The following TMEM39B variants were observed in gnomAD, a reference collection of about 807,000 sequenced individuals.
TMEM39B encodes transmembrane protein 39B.
In TMEM39B, 23 loss-of-function variants were observed where a neutral mutation model predicts 52.2. The observed-to-expected ratio is 0.44, with a 90% confidence interval of 0.32 to 0.62. TMEM39B has a LOEUF of 0.62. Ranked by LOEUF, TMEM39B falls within the 20% of genes least tolerant of loss-of-function variation. TMEM39B has a pLI of 0.06. For synonymous variants in TMEM39B, 285 were observed against 264.0 expected (o/e 1.08, Z -0.77); for missense variants, 547 against 642.0 (o/e 0.85, Z 1.60).
rs185414057 is a variant in TMEM39B, at chr1:32,075,141, C to G, written c.131+64C>G. On this transcript the variant is annotated intron_variant, in intron 2 of 8. Transcript: ENST00000336294. ...ACAGGGACGATGTGGACAGGGCTCTCTCTGACTGGATTCTAAGATGTGAAA... is the reference window on the plus strand; with the variant it reads ...ACAGGGACGATGTGGACAGGGCTCTGTCTGACTGGATTCTAAGATGTGAAA... 1.0e-4 allele frequency: 150 copies of G among 1,489,142 alleles called. No homozygotes were observed. The Admixed American group carries it at 1.2e-3, about 11-fold the overall frequency. The allele number at this position is 1,489,142 out of a possible 1,614,324, so 92.2% of individuals were successfully genotyped here. A position where few individuals can be genotyped will look rare whatever the true frequency, so the allele number is the denominator to read the frequency against.
At chr1:32,099,363 T>C (rs578110011) in intron 7 of TMEM39B, among the ~76,000 whole-genome samples, 10 of 152,024 alleles carry the variant, frequency 6.6e-5, no homozygotes, top group Admixed American at 1.3e-4. Flanking sequence ...AAATACCTAA[T>C]GTAAATGACG....
At chr1:32,099,527 GGGTTTT>G (rs1640940007) in intron 7 of TMEM39B, among the ~76,000 whole-genome samples, 1 of 151,840 alleles carries the variant, frequency 6.6e-6, no homozygotes. Context: ...GGAGGAACCT[GGGTTTT>G]GAAAGATGAT....
intron 7 of TMEM39B, among the ~76,000 whole-genome samples, chr1:32,097,392 G>A (rs1170530551): frequency 3.3e-5 from 5 of 150,772 alleles, no homozygotes; most frequent in East Asian, 1.9e-4. Context: ...GTGCAGTGGC[G>A]CGATCTTGGC....
chr1:32,091,562 C>A, intron 5 of TMEM39B, 113 bp from the exon 6 acceptor site: 1 of 1,250,242 alleles, frequency 8.0e-7, no homozygotes, highest in Non-Finnish European at 1.1e-6. Flanking sequence ...ATTCTCCCCT[C>A]TGGGCAGCCA....
At chr1:32,083,080 T>G (rs1404254048) in intron 5 of TMEM39B, among the ~76,000 whole-genome samples, 1 of 143,694 alleles carries the variant, frequency 7.0e-6, no homozygotes, top group Non-Finnish European at 1.5e-5. Flanking sequence ...AGCCTGGTTT[T>G]TTTTTTTTTT....
intron 6 of TMEM39B, among the ~76,000 whole-genome samples, 174 bp from the exon 7 acceptor site, chr1:32,094,610 A>C (rs561916975): frequency 2.0e-5 from 3 of 152,256 alleles, no homozygotes; most frequent in Admixed American, 6.5e-5. Context: ...TAGAAAACCA[A>C]CTAGTGGGCA....
At chr1:32,080,201 T>C (rs562272753) in intron 5 of TMEM39B, among the ~76,000 whole-genome samples, 1 of 152,228 alleles carries the variant, frequency 6.6e-6, no homozygotes, top group South Asian at 2.1e-4. Flanking sequence ...TGGCAAACTT[T>C]TAAGTTGTTT....
rs1639814737 is a variant in TMEM39B at position 32,075,477 on chromosome 1, A to T, written c.132-126A>T. On this transcript the variant is annotated intron_variant, in intron 2 of 8. Transcript: ENST00000336294. ...CGGGTTCCTTTGTCTGACAAGCAGG[A>T]TTAGGAAGACCCCGTCCTTGCTATG... The T allele has an allele frequency of 3.1e-6, 3 of 977,332 alleles. No individual in the cohort carries two copies. In the East Asian group the frequency reaches 7.9e-5, roughly 26 times the overall value. 60.5% of individuals were successfully genotyped at this position (977,332 alleles called of 1,614,324 possible).
chr1:32,097,242 C>G (rs980107469), intron 7 of TMEM39B, among the ~76,000 whole-genome samples: 1 of 152,160 alleles, frequency 6.6e-6, no homozygotes, highest in African/African-American at 2.4e-5. Flanking sequence ...GATCCTTCCC[C>G]CAAGACAAAC....
chr1:32,101,333 A>G (rs540004556), intron 8 of TMEM39B, among the ~76,000 whole-genome samples: 1 of 152,258 alleles, frequency 6.6e-6, no homozygotes, highest in Admixed American at 6.5e-5. Context: ...TGAGAACCTA[A>G]TGGTAATGAC....
Position 32,075,636 on chromosome 1 carries a change from T to C in TMEM39B, c.165T>C (p.Pro55=), listed in dbSNP as rs1293713685. 29 of 1,551,644 alleles carry C rather than the reference T, an allele frequency of 1.9e-5. No individual in the cohort carries two copies. Among genetic ancestry groups the C allele is most frequent in the Non-Finnish European group, 2.5e-5 (29 of 1,147,022 alleles). ...CTGGAACAGGCCTCTCCAGCCCTCC[T>C]CTGGCCACCCAAACTGTTGTGCCTC... The part of the protein sequence containing the change: ...SSSGTGLSSP[P]LATQTVVPLQ... Residue 55 remains proline, a synonymous_variant, in exon 3 of 9, where the codon CCT becomes CCC. Transcript: ENST00000336294.
chr1:32,079,028 A>G (rs948019382), intron 5 of TMEM39B, among the ~76,000 whole-genome samples: 1 of 151,450 alleles, frequency 6.6e-6, no homozygotes, highest in Non-Finnish European at 1.5e-5. Context: ...TATAACAGAT[A>G]TTTTTCTATG....
intron 5 of TMEM39B, among the ~76,000 whole-genome samples, chr1:32,091,023 C>T (rs1385653124): frequency 6.6e-6 from 1 of 151,998 alleles, no homozygotes; most frequent in African/African-American, 2.4e-5. Context: ...CCTGGGCTCA[C>T]GTGATCTTCC....
At position 32,091,705 on chromosome 1, in the gene TMEM39B, G is replaced by A; in HGVS notation, c.621G>A (p.Leu207=). The A allele has an allele frequency of 6.2e-7, 1 of 1,610,916 alleles. No homozygotes were observed. The highest frequency in any genetic ancestry group is 8.5e-7 in the Non-Finnish European group (1 of 1,177,804). Reference sequence around the variant, plus strand: ...GGATGTACATTCCGTTCCTGCAGCTGAATTGCGACCTCCGCAAGACAAGCC... The same window carrying A: ...GGATGTACATTCCGTTCCTGCAGCTAAATTGCGACCTCCGCAAGACAAGCC... ...PFGMYIPFLQ[L]NCDLRKTSLF... Residue 207 remains leucine (L), a synonymous_variant, in exon 6 of 9, where the codon CTG becomes CTA. Coordinates refer to ENST00000336294, the MANE Select transcript of TMEM39B (RefSeq NM_018056.4).
At chr1:32,085,141 A>G (rs1640286997) in intron 5 of TMEM39B, among the ~76,000 whole-genome samples, 1 of 152,048 alleles carries the variant, frequency 6.6e-6, no homozygotes, top group Admixed American at 6.6e-5. Context: ...TGGAGATTTG[A>G]GTACTTCTTT....
In TMEM39B at chr1:32,100,434, G is replaced by T; in HGVS notation, c.1116-8G>T. 6.3e-7 allele frequency: 1 copy of T among 1,579,702 alleles called. No homozygotes were observed. The highest frequency in any genetic ancestry group is 8.6e-7 in the Non-Finnish European group (1 of 1,163,558). On this transcript the variant is annotated splice_polypyrimidine_tract_variant and splice_region_variant and intron_variant, in intron 7 of 8. Coordinates refer to ENST00000336294, the MANE Select transcript of TMEM39B (RefSeq NM_018056.4). ...GGGATAAGGGGCACCATTGAACTGT[G>T]CCCCCAGGTGGACTGAAGAATGCAT...
At chr1:32,085,771 C>T (rs1054101572) in intron 5 of TMEM39B, among the ~76,000 whole-genome samples, 1 of 151,732 alleles carries the variant, frequency 6.6e-6, no homozygotes, top group Non-Finnish European at 1.5e-5. Flanking sequence ...AAAAAATTCC[C>T]TTATTTTCCT....
chr1:32,082,148 T>C (rs1206884828), intron 5 of TMEM39B, among the ~76,000 whole-genome samples: 2 of 152,180 alleles, frequency 1.3e-5, no homozygotes, highest in East Asian at 3.8e-4. Flanking sequence ...ATACTTTTTA[T>C]GTAAGACAAG....
chr1:32,100,316 G>A (rs1422395786), intron 7 of TMEM39B, 126 bp from the exon 8 acceptor site: 3 of 1,105,456 alleles, frequency 2.7e-6, no homozygotes, highest in Non-Finnish European at 2.5e-6. Flanking sequence ...CCCAGAAAAG[G>A]AAAGTCAGCG....
Sources: gnomAD v4.1 joint callset for allele counts (sites outside exome capture counted in the v4.1 genomes callset) on GRCh38, gnomAD v4.1.1 for gene constraint, MANE v1.5 for transcripts, NCBI Gene and HGNC (gene_info 2026-07-23, HGNC 2026-07-21) for gene names.